DCLK1: variants seen among roughly 807,000 people sequenced by gnomAD.
DCLK1 encodes the protein doublecortin like kinase 1, also known as serine/threonine-protein kinase DCLK1.
In DCLK1, 16 loss-of-function variants were observed where a neutral mutation model predicts 86.2. The observed-to-expected ratio is 0.19, with a 90% CI of 0.13 to 0.28. The LOEUF (loss-of-function observed/expected upper bound fraction) is 0.28. Among genes scored for constraint, DCLK1 ranks in the 10% least tolerant of loss-of-function variants. DCLK1 has a pLI of 1.00. For synonymous variants in DCLK1, 369 were observed against 370.5 expected (o/e 1.00, Z 0.05); for missense variants, 590 against 940.2 (o/e 0.63, Z 4.87).
At chr13:36,089,894 C>T (rs1036525600) in intron 3 of DCLK1, among the ~76,000 whole-genome samples, 2 of 152,208 alleles carry the variant, frequency 1.3e-5, no homozygotes, top group African/African-American at 2.4e-5. Context: ...CTCCTGGTGA[C>T]TAATCATTAT....
intron 4 of DCLK1, among the ~76,000 whole-genome samples, chr13:35,877,109 C>A (rs1468467593): frequency 6.6e-6 from 1 of 152,180 alleles, no homozygotes; most frequent in Non-Finnish European, 1.5e-5. Flanking sequence ...TGAAAAGTAT[C>A]ATTCCCCACA....
intron 4 of DCLK1, among the ~76,000 whole-genome samples, chr13:35,879,292 G>A (rs938449361): frequency 2.0e-5 from 3 of 152,186 alleles, no homozygotes; most frequent in Admixed American, 1.3e-4. Context: ...ACCCAGCTCA[G>A]TGCTCCAGAT....
chr13:35,777,332 C>T (rs560342725), intron 16 of DCLK1, among the ~76,000 whole-genome samples: 16 of 152,310 alleles, frequency 1.1e-4, no homozygotes, highest in Non-Finnish European at 1.2e-4. Context: ...TCTTTACAGG[C>T]AGGGAAACTG....
intron 4 of DCLK1, among the ~76,000 whole-genome samples, chr13:35,907,194 A>T (rs1874733837): frequency 6.6e-6 from 1 of 152,180 alleles, no homozygotes; most frequent in Non-Finnish European, 1.5e-5. Flanking sequence ...ACAGGGTCTC[A>T]GTCTATCACC....
chr13:35,785,663 A>G (rs1309325726), intron 16 of DCLK1, among the ~76,000 whole-genome samples: 3 of 152,162 alleles, frequency 2.0e-5, no homozygotes, highest in Non-Finnish European at 4.4e-5. Context: ...CTGTGCCCTC[A>G]TGTGATCTGC....
chr13:35,838,998 C>T, intron 7 of DCLK1, 94 bp downstream of exon 7: 1 of 1,171,570 alleles, frequency 8.5e-7, no homozygotes. Context: ...TCAGCCTTGT[C>T]CATGTCATTC....
intron 3 of DCLK1, among the ~76,000 whole-genome samples, chr13:36,048,432 T>G (rs1180346031): frequency 6.6e-6 from 1 of 152,188 alleles, no homozygotes; most frequent in Non-Finnish European, 1.5e-5. Context: ...ATATTTTCCT[T>G]TGCAAGTTTA....
chr13:35,894,061 A>G (rs1183230282), intron 4 of DCLK1, among the ~76,000 whole-genome samples: 1 of 152,178 alleles, frequency 6.6e-6, no homozygotes, highest in East Asian at 1.9e-4. Flanking sequence ...TGAAACATAA[A>G]TGAATTTAAT....
intron 3 of DCLK1, among the ~76,000 whole-genome samples, chr13:36,077,528 C>G (rs1266219128): frequency 6.6e-6 from 1 of 152,122 alleles, no homozygotes; most frequent in Non-Finnish European, 1.5e-5. Context: ...TGTTCTCAGG[C>G]AGCCAGAAGT....
chr13:35,963,328 C>T (rs547901338), intron 3 of DCLK1, among the ~76,000 whole-genome samples: 1 of 152,264 alleles, frequency 6.6e-6, no homozygotes, highest in African/African-American at 2.4e-5. Flanking sequence ...GGAGCTTGTA[C>T]AGGTAGTATA....
chr13:35,789,886 CT>C (rs1243832893), intron 16 of DCLK1, among the ~76,000 whole-genome samples: 10 of 148,848 alleles, frequency 6.7e-5, no homozygotes, highest in East Asian at 2.0e-4. Context: ...TTCTCTCTCT[CT>C]TTTTTTTTTC....
intron 4 of DCLK1, among the ~76,000 whole-genome samples, chr13:35,941,328 G>A (rs1016454580): frequency 1.3e-5 from 2 of 152,162 alleles, no homozygotes; most frequent in African/African-American, 4.8e-5. Flanking sequence ...TACAGCTTCT[G>A]TCTTATTTGG....
chr13:35,993,645 A>C (rs1593799964), intron 3 of DCLK1, among the ~76,000 whole-genome samples: 1 of 152,256 alleles, frequency 6.6e-6, no homozygotes, highest in East Asian at 1.9e-4. Context: ...CTTCATTACC[A>C]AGTGGTTGTG....
chr13:35,789,762 A>C (rs1312096640), intron 16 of DCLK1, among the ~76,000 whole-genome samples: 1 of 152,226 alleles, frequency 6.6e-6, no homozygotes, highest in African/African-American at 2.4e-5. Flanking sequence ...AAGCTGAGCA[A>C]ATCTAATAAT....
Position 35,930,784 on chromosome 13 carries a change from C to T in DCLK1, c.823+16574G>A, listed in dbSNP as rs565604317. On this transcript the variant is annotated intron_variant, in intron 4 of 16. Transcript: ENST00000360631. ...AGCATAACCCATCAGAAACTGCTAA[C>T]CAATCTTTAACCAGGGACTTTCCAC... 3.9e-4 allele frequency among the ~76,000 whole-genome samples: 59 copies of T among 152,252 alleles called. 1 individual carries two copies. Among genetic ancestry groups the T allele is most frequent in the South Asian group, 8.3e-4 (4 of 4,822 alleles).
intron 4 of DCLK1, among the ~76,000 whole-genome samples, chr13:35,892,333 A>C (rs369162843): frequency 6.6e-6 from 1 of 152,224 alleles, no homozygotes; most frequent in Non-Finnish European, 1.5e-5. Context: ...CTGTTACCTT[A>C]ATCACTACAT....
chr13:35,956,924 A>G (rs1367400824), intron 3 of DCLK1, among the ~76,000 whole-genome samples: 1 of 152,214 alleles, frequency 6.6e-6, no homozygotes, highest in African/African-American at 2.4e-5. Context: ...GCCTGGATTC[A>G]GTCCATTCAA....
At chr13:35,903,812 A>G (rs1874525281) in intron 4 of DCLK1, among the ~76,000 whole-genome samples, 7 of 152,226 alleles carry the variant, frequency 4.6e-5, no homozygotes, top group Admixed American at 3.9e-4. Flanking sequence ...AGAAGCATAA[A>G]GTCACTTGTG....
At chr13:35,785,896 A>G (rs1432296904) in intron 16 of DCLK1, among the ~76,000 whole-genome samples, 1 of 152,198 alleles carries the variant, frequency 6.6e-6, no homozygotes, top group Non-Finnish European at 1.5e-5. Flanking sequence ...CTGGGGCTAA[A>G]TGGCATTATA....
Sources: gnomAD v4.1 joint callset for allele counts (sites outside exome capture counted in the v4.1 genomes callset) on GRCh38, gnomAD v4.1.1 for gene constraint, MANE v1.5 for transcripts, NCBI Gene and HGNC (gene_info 2026-07-23, HGNC 2026-07-21) for gene names.